TTC13: variants seen among roughly 807,000 people sequenced by gnomAD.
TTC13 encodes tetratricopeptide repeat domain 13, also known as tetratricopeptide repeat protein 13.
In TTC13, 62 loss-of-function variants were observed where a neutral mutation model predicts 120.0. The ratio of observed to expected loss-of-function variants is 0.52; its 90% CI spans 0.42 to 0.64. The LOEUF is 0.64. Ranked by LOEUF, TTC13 falls within the 30% of genes least tolerant of loss-of-function variation. The pLI, the probability that TTC13 is intolerant of heterozygous loss-of-function variation, is 0.00. For synonymous variants in TTC13, 384 were observed against 393.5 expected (o/e 0.98, Z 0.28); for missense variants, 824 against 1,050.2 (o/e 0.78, Z 2.98).
intron 18 of TTC13, among the ~76,000 whole-genome samples, chr1:230,915,418 G>A (rs970363560): frequency 4.6e-5 from 7 of 152,172 alleles, no homozygotes; most frequent in African/African-American, 1.7e-4. Context: ...GAATATGGAG[G>A]CTGACAGACA....
intron 17 of TTC13, chr1:230,920,234 G>C (rs182885433): frequency 4.1e-6 from 1 of 242,600 alleles, no homozygotes; most frequent in African/African-American, 2.3e-5. Context: ...CATGTAGAAG[G>C]GCAGCTGAGT....
chr1:230,964,077 T>C (rs1301170425), intron 1 of TTC13, among the ~76,000 whole-genome samples: 1 of 152,204 alleles, frequency 6.6e-6, no homozygotes, highest in Non-Finnish European at 1.5e-5. Flanking sequence ...GCAATGTGTA[T>C]ACCTGGCCTT....
At chr1:230,973,732 A>G (rs1677987207) in intron 1 of TTC13, among the ~76,000 whole-genome samples, 1 of 152,226 alleles carries the variant, frequency 6.6e-6, no homozygotes, top group Admixed American at 6.5e-5. Flanking sequence ...TAAAGAGTAT[A>G]AAGATATAAT....
At position 230,958,274 on chromosome 1, in the gene TTC13, T is replaced by C; in HGVS notation, c.392A>G (p.Gln131Arg). 6.2e-7 allele frequency: 1 copy of C among 1,611,800 alleles called. No individual in the cohort carries two copies. The highest frequency in any genetic ancestry group is 8.5e-7 in the Non-Finnish European group (1 of 1,179,608). Residue 131 changes from glutamine to arginine, a missense_variant, in exon 3 of 23, where the codon CAG becomes CGG. By Grantham distance (43) the Gln-to-Arg change is conservative. Coordinates refer to ENST00000366661, the MANE Select transcript of TTC13 (RefSeq NM_024525.5). ...ILSQAKSIAE[Q>R]KRFPFATDND... Reference sequence around the variant, plus strand: ...ATCAGTGGCAAACGGGAATCTCTTCTGTTCTGCAATAGACTTGGCCTGGCT... The same window carrying C: ...ATCAGTGGCAAACGGGAATCTCTTCCGTTCTGCAATAGACTTGGCCTGGCT...
Position 230,978,491 on chromosome 1 carries a change from C to T in TTC13, c.271+69G>A, listed in dbSNP as rs1303979572. 6 of 442,128 alleles carry T rather than the reference C, an allele frequency of 1.4e-5. No individual in the cohort carries two copies. The highest frequency in any genetic ancestry group is 4.1e-5 in the African/African-American group (2 of 48,394). 27.4% of individuals were successfully genotyped at this position (442,128 alleles called of 1,614,324 possible). A position where few individuals can be genotyped will look rare whatever the true frequency, so the allele number is the denominator to read the frequency against. ...CGTGAGGCCCGGGCGACCCGTACCC[C>T]GGCCCGGGACCCCAGCCCCGCTGCC... is the stretch of plus-strand genomic sequence containing the variant. On this transcript the variant is annotated intron_variant, in intron 1 of 22. Coordinates refer to ENST00000366661, the MANE Select transcript of TTC13 (RefSeq NM_024525.5). This position sits in a 1 kb window ranked among gnomAD's most constrained non-coding sequence, Gnocchi z 5.6.
intron 1 of TTC13, among the ~76,000 whole-genome samples, chr1:230,963,497 G>A (rs1282505362): frequency 1.3e-5 from 2 of 151,974 alleles, no homozygotes; most frequent in Non-Finnish European, 2.9e-5. Flanking sequence ...TTAGCTGGGT[G>A]TGGTAGTACA....
chr1:230,912,498 T>A, intron 19 of TTC13, 125 bp downstream of exon 19: 1 of 1,097,930 alleles, frequency 9.1e-7, no homozygotes, highest in Non-Finnish European at 1.3e-6. Context: ...ATAAGAAATA[T>A]TTTTAGGTCA....
intron 15 of TTC13, among the ~76,000 whole-genome samples, chr1:230,922,975 T>A (rs927229116): frequency 6.6e-6 from 1 of 152,112 alleles, no homozygotes; most frequent in Non-Finnish European, 1.5e-5. Context: ...AATAGGAATA[T>A]ACAAGTCACA....
intron 7 of TTC13, among the ~76,000 whole-genome samples, chr1:230,939,778 T>C (rs1674383029): frequency 6.6e-6 from 1 of 152,260 alleles, no homozygotes; most frequent in African/African-American, 2.4e-5. Context: ...ATTATGGTAA[T>C]AATCTGTTAG....
At chr1:230,929,719 T>G (rs373190087) in intron 11 of TTC13, among the ~76,000 whole-genome samples, 2 of 152,212 alleles carry the variant, frequency 1.3e-5, no homozygotes, top group African/African-American at 4.8e-5. Context: ...TAGAGCCTGG[T>G]ACTCTGTCAA....
chr1:230,940,652 C>T lies in TTC13; in HGVS notation c.673-96G>A, dbSNP rs1286597799. 5.1e-6 allele frequency: 4 copies of T among 786,802 alleles called. No homozygotes were observed. Among genetic ancestry groups the T allele is most frequent in the Non-Finnish European group, 8.6e-6 (4 of 466,070 alleles). 48.7% of individuals were successfully genotyped at this position (786,802 alleles called of 1,614,324 possible). ...TTCAATTCCACCTCACCATACTCCA[C>T]TCAAAAATTACTCTCAGCAGGCTGC... On this transcript the variant is annotated intron_variant, in intron 6 of 22. Coordinates refer to ENST00000366661, the MANE Select transcript of TTC13 (RefSeq NM_024525.5). This position sits in a 1 kb window ranked among gnomAD's most constrained non-coding sequence, Gnocchi z 4.1.
intron 20 of TTC13, 88 bp from the exon 21 acceptor site, chr1:230,909,108 GAT>G: frequency 5.4e-6 from 6 of 1,106,828 alleles, no homozygotes; most frequent in Non-Finnish European, 7.9e-6. Flanking sequence ...CATCATGAAA[GAT>G]AAAATTTATT....
intron 14 of TTC13, 120 bp from the exon 15 acceptor site, chr1:230,924,053 G>T: frequency 1.6e-6 from 1 of 636,260 alleles, no homozygotes. Context: ...CTAAAAACGT[G>T]ATGTCCATAC....
intron 15 of TTC13, 104 bp from the exon 16 acceptor site, chr1:230,921,608 A>G (rs908541239): frequency 9.4e-6 from 6 of 640,114 alleles, no homozygotes; most frequent in Non-Finnish European, 1.5e-5. Context: ...AACTATGAGA[A>G]TAATGTAGAA....
chr1:230,940,244 C>T lies in TTC13; in HGVS notation c.789+196G>A, dbSNP rs541127695. ...AATTAGTTATTGCTGACAGCTCAAACAAGAAAATGTTTTTAGTACTTAATG... is the reference window on the plus strand; with the variant it reads ...AATTAGTTATTGCTGACAGCTCAAATAAGAAAATGTTTTTAGTACTTAATG... On this transcript the variant is annotated intron_variant, in intron 7 of 22. Coordinates refer to ENST00000366661, the MANE Select transcript of TTC13 (RefSeq NM_024525.5). The surrounding 1 kb of genome is among the most constrained non-coding windows in gnomAD (Gnocchi z 4.1). Among the ~76,000 whole-genome samples the T allele has an allele frequency of 6.6e-6, 1 of 152,228 alleles. No individual in the cohort carries two copies. The highest frequency in any genetic ancestry group is 2.4e-5 in the African/African-American group (1 of 41,532).
intron 1 of TTC13, among the ~76,000 whole-genome samples, chr1:230,969,658 C>A (rs1677521506): frequency 1.3e-5 from 2 of 152,166 alleles, no homozygotes; most frequent in Admixed American, 1.3e-4. Flanking sequence ...TGGCTCAGGG[C>A]AGGGCTATGG....
intron 1 of TTC13, among the ~76,000 whole-genome samples, chr1:230,973,109 T>G (rs764821858): frequency 6.6e-6 from 1 of 152,234 alleles, no homozygotes; most frequent in Non-Finnish European, 1.5e-5. Flanking sequence ...ATGAAAGGAT[T>G]GACCAGATAC....
chr1:230,935,740 T>G (rs1306961739), intron 8 of TTC13, among the ~76,000 whole-genome samples: 3 of 152,124 alleles, frequency 2.0e-5, no homozygotes, highest in Admixed American at 6.5e-5. Context: ...AGATGATTAC[T>G]ACTAGCAGCA....
intron 1 of TTC13, among the ~76,000 whole-genome samples, chr1:230,969,746 T>G (rs1677532202): frequency 6.6e-6 from 1 of 152,166 alleles, no homozygotes; most frequent in Admixed American, 6.5e-5. Flanking sequence ...TAGCCTCAGC[T>G]CCTTCATCTG....
Sources: allele counts gnomAD v4.1 joint callset (sites outside exome capture counted in the v4.1 genomes callset), GRCh38; gene constraint gnomAD v4.1.1; non-coding constraint Gnocchi (gnomAD v3.1); transcripts MANE v1.5; gene names NCBI Gene and HGNC (gene_info 2026-07-23, HGNC 2026-07-21).